The following DLG2 variants were observed in gnomAD, a reference collection of about 807,000 sequenced individuals.
DLG2 encodes discs large MAGUK scaffold protein 2.
A neutral mutation model predicts 132.5 loss-of-function variants in DLG2; 45 were observed. That is an observed-to-expected ratio of 0.34 (90% CI 0.27 to 0.44). The LOEUF (loss-of-function observed/expected upper bound fraction) is 0.44. Ranked by LOEUF, DLG2 falls within the 20% of genes least tolerant of loss-of-function variation. The pLI is 1.00. For missense variants in DLG2, 1,045 were observed against 1,196.9 expected (o/e 0.87, Z 1.87); for synonymous variants, 424 against 419.6 (o/e 1.01, Z -0.13).
At chr11:84,167,254 G>C (rs2095689510) in intron 8 of DLG2, among the ~76,000 whole-genome samples, 1 of 152,190 alleles carries the variant, frequency 6.6e-6, no homozygotes, top group Non-Finnish European at 1.5e-5. Context: ...GTCACACATT[G>C]TCCTGTGCTG....
intron 18 of DLG2, among the ~76,000 whole-genome samples, chr11:83,706,216 T>TAAA (rs34352995): frequency 7.4e-6 from 1 of 134,722 alleles, no homozygotes; most frequent in Non-Finnish European, 1.6e-5. Context: ...AGACTCCATC[T>TAAA]AAAAAAAAAA....
At chr11:84,366,812 C>CA (rs1465328534) in intron 7 of DLG2, among the ~76,000 whole-genome samples, 5 of 152,110 alleles carry the variant, frequency 3.3e-5, no homozygotes, top group African/African-American at 4.8e-5. Flanking sequence ...ATTCATAAAG[C>CA]AAGTCCTGAG....
intron 8 of DLG2, among the ~76,000 whole-genome samples, chr11:84,190,301 T>C (rs1468289568): frequency 6.6e-6 from 1 of 152,176 alleles, no homozygotes; most frequent in Non-Finnish European, 1.5e-5. Flanking sequence ...GCACTCCTTG[T>C]ACTACAAGGA....
chr11:84,816,116 C>A (rs1300081842), intron 6 of DLG2, among the ~76,000 whole-genome samples: 1 of 152,008 alleles, frequency 6.6e-6, no homozygotes, highest in Non-Finnish European at 1.5e-5. Context: ...GGGTTGCTGG[C>A]TCATTTTAGA....
chr11:85,106,059 A>G (rs1296999391), intron 6 of DLG2, among the ~76,000 whole-genome samples: 1 of 151,944 alleles, frequency 6.6e-6, no homozygotes, highest in African/African-American at 2.4e-5. Flanking sequence ...ACTGGTTTCA[A>G]TTAGACTGAA....
intron 7 of DLG2, among the ~76,000 whole-genome samples, chr11:84,318,810 T>G (rs780491849): frequency 6.6e-6 from 1 of 152,196 alleles, no homozygotes; most frequent in Non-Finnish European, 1.5e-5. Context: ...TTCTGGTCTA[T>G]GTTAATGGCC....
Position 85,103,841 on chromosome 11 carries a change from C to T in DLG2, c.357+7820G>A, listed in dbSNP as rs577365053. ...ACATATCTGATAAGGGACTAATATC[C>T]AGAACATGTAAAGAACTCTTACAAC... On this transcript the variant is annotated intron_variant, in intron 6 of 27. Transcript: ENST00000376104. Among the ~76,000 whole-genome samples the T allele has an allele frequency of 2.6e-5, 4 of 151,846 alleles. No individual in the cohort carries two copies. In the East Asian group the frequency reaches 7.8e-4, roughly 29 times the overall value.
chr11:85,381,743 A>C (rs890288654), intron 3 of DLG2, among the ~76,000 whole-genome samples: 1 of 152,160 alleles, frequency 6.6e-6, no homozygotes, highest in Non-Finnish European at 1.5e-5. Flanking sequence ...TTTAGAAGAC[A>C]ATTCCATTTG....
chr11:84,207,965 A>G (rs1421549495), intron 8 of DLG2, among the ~76,000 whole-genome samples: 4 of 152,156 alleles, frequency 2.6e-5, no homozygotes, highest in Non-Finnish European at 5.9e-5. Flanking sequence ...ATGGGGAAAA[A>G]AGGCTCACCT....
intron 11 of DLG2, among the ~76,000 whole-genome samples, chr11:84,007,572 A>G (rs2094633074): frequency 6.6e-6 from 1 of 151,762 alleles, no homozygotes; most frequent in African/African-American, 2.4e-5. Flanking sequence ...AAATTCAGCT[A>G]CATAATTGAA....
At position 85,007,476 on chromosome 11, in the gene DLG2, C is replaced by T. The variant is rs527476694; in HGVS notation, c.357+104185G>A. Among the ~76,000 whole-genome samples the T allele has an allele frequency of 1.6e-3, 241 of 151,240 alleles. 3 individuals carry two copies. Among genetic ancestry groups the T allele is most frequent in the Middle Eastern group, 6.8e-3 (2 of 292 alleles). On this transcript the variant is annotated intron_variant, in intron 6 of 27. Transcript: ENST00000376104. Reference sequence around the variant, plus strand: ...GAGATCGAGACCATCCTGGCTAACACGGTGAAACCCCATCTCTACTAAAAA... The same window carrying T: ...GAGATCGAGACCATCCTGGCTAACATGGTGAAACCCCATCTCTACTAAAAA...
intron 5 of DLG2, among the ~76,000 whole-genome samples, chr11:85,116,469 CATA>C (rs1425203274): frequency 4.0e-5 from 6 of 151,834 alleles, no homozygotes; most frequent in Non-Finnish European, 7.4e-5. Context: ...GCATCATCCA[CATA>C]ATGTGTCTAT....
At chr11:83,687,814 G>A (rs1053936255) in intron 18 of DLG2, among the ~76,000 whole-genome samples, 2 of 151,826 alleles carry the variant, frequency 1.3e-5, no homozygotes, top group African/African-American at 2.4e-5. Context: ...ACACTGTGAG[G>A]CCCCATCTCC....
At chr11:84,047,875 G>T (rs774642323) in intron 11 of DLG2, among the ~76,000 whole-genome samples, 7 of 151,646 alleles carry the variant, frequency 4.6e-5, no homozygotes, top group Non-Finnish European at 1.0e-4. Context: ...TCATAATGTT[G>T]TATTATACAG....
chr11:84,826,065 T>A (rs1468668921), intron 6 of DLG2, among the ~76,000 whole-genome samples: 1 of 151,872 alleles, frequency 6.6e-6, no homozygotes, highest in Non-Finnish European at 1.5e-5. Context: ...ATTTTTAATT[T>A]TTCTGGGTAG....
At chr11:84,167,510 T>C (rs184132231) in intron 8 of DLG2, among the ~76,000 whole-genome samples, 1 of 152,342 alleles carries the variant, frequency 6.6e-6, no homozygotes, top group African/African-American at 2.4e-5. Flanking sequence ...TTTTATCTCC[T>C]GAAAAGAGGT....
chr11:85,030,815 TTA>T (rs1441196969), intron 6 of DLG2, among the ~76,000 whole-genome samples: 1 of 152,144 alleles, frequency 6.6e-6, no homozygotes, highest in East Asian at 1.9e-4. Flanking sequence ...TTGATTCATT[TTA>T]TTGTTCCTTT....
intron 7 of DLG2, among the ~76,000 whole-genome samples, chr11:84,384,847 T>C (rs1056596015): frequency 6.6e-6 from 1 of 152,012 alleles, no homozygotes; most frequent in Admixed American, 6.6e-5. Flanking sequence ...AGAGTGTTGG[T>C]ACTGTGTTTC....
intron 3 of DLG2, among the ~76,000 whole-genome samples, chr11:85,486,790 GC>G (rs1207046933): frequency 2.0e-5 from 3 of 151,166 alleles, no homozygotes; most frequent in Admixed American, 6.6e-5. Flanking sequence ...CACAAGCCTG[GC>G]CCCCCCTGCT....
Sources: gnomAD v4.1 joint callset for allele counts (sites outside exome capture counted in the v4.1 genomes callset) on GRCh38, gnomAD v4.1.1 for gene constraint, MANE v1.5 for transcripts, NCBI Gene and HGNC (gene_info 2026-07-23, HGNC 2026-07-21) for gene names.